EPS15: variants seen among roughly 807,000 people sequenced by gnomAD.
The protein encoded by EPS15 is epidermal growth factor receptor substrate 15.
EPS15 carries 72 observed loss-of-function variants against 113.8 expected under a neutral mutation model. The ratio of observed to expected loss-of-function variants is 0.63; its 90% CI spans 0.52 to 0.77. EPS15 has a LOEUF of 0.77. Ranked by LOEUF, EPS15 falls within the 30% of genes least tolerant of loss-of-function variation. The pLI is 0.00. For missense variants in EPS15, 1,048 were observed against 1,045.8 expected (o/e 1.00, Z -0.03); for synonymous variants, 344 against 363.4 (o/e 0.95, Z 0.61).
At chr1:51,510,414 A>G (rs889118898) in intron 1 of EPS15, among the ~76,000 whole-genome samples, 3 of 152,268 alleles carry the variant, frequency 2.0e-5, no homozygotes, top group African/African-American at 4.8e-5. Context: ...AATACAGAAG[A>G]TTAATGCCTA....
At chr1:51,504,679 C>A (rs993756379) in intron 1 of EPS15, among the ~76,000 whole-genome samples, 2 of 152,024 alleles carry the variant, frequency 1.3e-5, no homozygotes, top group African/African-American at 4.8e-5. Flanking sequence ...CATTAATCAT[C>A]AGAGAAATGA....
chr1:51,476,993 C>T (rs1030346756), intron 2 of EPS15, among the ~76,000 whole-genome samples: 4 of 152,144 alleles, frequency 2.6e-5, no homozygotes, highest in African/African-American at 9.7e-5. Context: ...AGGATTCCCT[C>T]TTTTTCTATT....
At chr1:51,508,384 G>GAA (rs1553139584) in intron 1 of EPS15, among the ~76,000 whole-genome samples, 145 of 145,856 alleles carry the variant, frequency 9.9e-4, no homozygotes, top group African/African-American at 2.5e-3. Context: ...AAGAAAGAAA[G>GAA]AGAAAATTTA....
Position 51,361,758 on chromosome 1 carries a change from A to C in EPS15, c.2360-403T>G, listed in dbSNP as rs748852793. Among the ~76,000 whole-genome samples, 51 of 152,218 alleles carry C rather than the reference A, an allele frequency of 3.4e-4. 1 individual carries two copies. The highest frequency in any genetic ancestry group is 3.1e-4 in the Non-Finnish European group (21 of 68,040). On this transcript the variant is annotated intron_variant, in intron 23 of 24. Transcript: ENST00000371733. The stretch of plus-strand genomic sequence containing the variant: ...CTCTGCTGTTACAGCCCTCAGCCTG[A>C]TAACAGTTATCCACTAGTGGCAGTA...
chr1:51,394,367 A>T lies in EPS15; in HGVS notation c.2119+14T>A. 1 of 1,553,174 alleles carries T rather than the reference A, an allele frequency of 6.4e-7. No individual in the cohort carries two copies. The highest frequency in any genetic ancestry group is 2.3e-5 in the East Asian group (1 of 44,226). The stretch of plus-strand genomic sequence containing the variant: ...TGTTTAATGTTCAATGAAGTTGATA[A>T]ATTATTTATTTACCTGAATCGCTTG... On this transcript the variant is annotated intron_variant, in intron 21 of 24. Coordinates refer to ENST00000371733, the MANE Select transcript of EPS15 (RefSeq NM_001981.3).
chr1:51,418,395 G>A (rs1036835324), intron 13 of EPS15, among the ~76,000 whole-genome samples: 1 of 152,020 alleles, frequency 6.6e-6, no homozygotes, highest in Admixed American at 6.6e-5. Context: ...ATACAAGAAG[G>A]ACGAACAGAT....
chr1:51,504,813 GGT>G (rs1644470307), intron 1 of EPS15, among the ~76,000 whole-genome samples: 1 of 152,090 alleles, frequency 6.6e-6, no homozygotes, highest in African/African-American at 2.4e-5. Flanking sequence ...AAATATAAAT[GGT>G]GCAGCTGCTC....
At chr1:51,442,125 G>C (rs1323108305) in intron 11 of EPS15, among the ~76,000 whole-genome samples, 1 of 152,056 alleles carries the variant, frequency 6.6e-6, no homozygotes, top group Non-Finnish European at 1.5e-5. Context: ...AAACTTATCA[G>C]TGTTAAATTA....
At chr1:51,419,280 C>A (rs78767748) in intron 13 of EPS15, among the ~76,000 whole-genome samples, 3,868 of 152,102 alleles carry the variant, frequency 0.025, 78 homozygotes, top group Non-Finnish European at 0.039. Context: ...AAGAAAAAAT[C>A]CTAAACAGAA....
intron 1 of EPS15, among the ~76,000 whole-genome samples, chr1:51,495,409 T>C (rs921200495): frequency 6.6e-6 from 1 of 151,752 alleles, no homozygotes; most frequent in African/African-American, 2.4e-5. Flanking sequence ...CTTGACTGGT[T>C]TTGGGAACCA....
intron 21 of EPS15, among the ~76,000 whole-genome samples, chr1:51,384,051 T>C (rs1430965859): frequency 6.6e-6 from 1 of 152,096 alleles, no homozygotes; most frequent in Non-Finnish European, 1.5e-5. Context: ...ATACTGACAA[T>C]ACAATACATT....
chr1:51,371,605 A>T (rs1646654742), intron 21 of EPS15, among the ~76,000 whole-genome samples: 2 of 152,232 alleles, frequency 1.3e-5, no homozygotes, highest in Non-Finnish European at 2.9e-5. Context: ...TTTTAAACTA[A>T]AGGTTTATTA....
At chr1:51,375,690 C>T (rs1646780272) in intron 21 of EPS15, among the ~76,000 whole-genome samples, 1 of 152,116 alleles carries the variant, frequency 6.6e-6, no homozygotes, top group African/African-American at 2.4e-5. Flanking sequence ...AACCACTGAC[C>T]TGAATGACCT....
intron 21 of EPS15, among the ~76,000 whole-genome samples, chr1:51,369,340 C>T (rs766989028): frequency 6.6e-6 from 1 of 152,114 alleles, no homozygotes; most frequent in Non-Finnish European, 1.5e-5. Context: ...TCAATGAGTT[C>T]AACTTGTTCA....
intron 12 of EPS15, among the ~76,000 whole-genome samples, chr1:51,424,434 A>G (rs1208243556): frequency 6.6e-6 from 1 of 152,140 alleles, no homozygotes; most frequent in Non-Finnish European, 1.5e-5. Context: ...GAACATGTAT[A>G]TTTTTCTACA....
At chr1:51,387,136 C>G (rs1284777122) in intron 21 of EPS15, among the ~76,000 whole-genome samples, 2 of 152,184 alleles carry the variant, frequency 1.3e-5, no homozygotes, top group East Asian at 3.8e-4. Context: ...AGAAACTCCA[C>G]AAGCCAGAAG....
At chr1:51,488,712 T>C (rs1005755138) in intron 1 of EPS15, among the ~76,000 whole-genome samples, 1 of 152,084 alleles carries the variant, frequency 6.6e-6, no homozygotes, top group South Asian at 2.1e-4. Flanking sequence ...GCTGGAATTA[T>C]AGGCATGAGC....
At chr1:51,517,035 T>G (rs1406006294) in intron 1 of EPS15, among the ~76,000 whole-genome samples, 1 of 152,148 alleles carries the variant, frequency 6.6e-6, no homozygotes, top group Admixed American at 6.5e-5. Flanking sequence ...TGCATTGTTA[T>G]CTTAGTGTAT....
Position 51,403,546 on chromosome 1 carries a change from A to G in EPS15, c.1678-14T>C. 1 of 1,387,222 alleles carries G rather than the reference A, an allele frequency of 7.2e-7. No homozygotes were observed. Among genetic ancestry groups the G allele is most frequent in the Non-Finnish European group, 1.0e-6 (1 of 996,654 alleles). The allele number at this position is 1,387,222 out of a possible 1,614,324, so 85.9% of individuals were successfully genotyped here. A position where few individuals can be genotyped will look rare whatever the true frequency, so the allele number is the denominator to read the frequency against. On this transcript the variant is annotated splice_polypyrimidine_tract_variant and intron_variant, in intron 16 of 24. Coordinates refer to ENST00000371733, the MANE Select transcript of EPS15 (RefSeq NM_001981.3). The stretch of plus-strand genomic sequence containing the variant: ...ACTACTTCTTGCCTACAAAATATTA[A>G]TGCAAGTAGATTAACAATATACTTT...
Sources: allele counts gnomAD v4.1 joint callset (sites outside exome capture counted in the v4.1 genomes callset), GRCh38; gene constraint gnomAD v4.1.1; transcripts MANE v1.5; gene names NCBI Gene and HGNC (gene_info 2026-07-23, HGNC 2026-07-21).